Variants in NEMP2 observed in about 807,000 individuals in gnomAD.
The protein encoded by NEMP2 is nuclear envelope integral membrane protein 2.
Under a neutral mutation model 54.2 loss-of-function variants are expected in NEMP2, and 53 were observed. The ratio of observed to expected loss-of-function variants is 0.98; its 90% CI spans 0.78 to 1.23. The LOEUF is 1.23. NEMP2 is among the 50% of genes most tolerant of loss of function. The probability of loss-of-function intolerance (pLI) is 0.00; values close to 1 mark genes in which losing one functional copy is unlikely to be tolerated. For missense variants in NEMP2, 455 were observed against 511.3 expected (o/e 0.89, Z 1.06); for synonymous variants, 197 against 190.3 (o/e 1.04, Z -0.29).
chr2:190,447,571 A>T, the NEMP2 span, among the ~76,000 whole-genome samples: 1 of 152,208 alleles, frequency 6.6e-6, no homozygotes, highest in Non-Finnish European at 1.5e-5. The surrounding 1 kb of genome is among the most constrained non-coding windows in gnomAD (Gnocchi z 4.5). Flanking sequence ...TTGCTTATAT[A>T]CTTCTTAGTG....
chr2:190,504,694 C>A lies in NEMP2; in HGVS notation c.*4495G>T, dbSNP rs894605177. On this transcript the variant is annotated 3_prime_UTR_variant, in exon 9 of 9. Coordinates refer to ENST00000409150, the MANE Select transcript of NEMP2 (RefSeq NM_001142645.2). The surrounding 1 kb of genome is among the most constrained non-coding windows in gnomAD (Gnocchi z 5.6). ...CATTTAACAAATTATATACCATACT[C>A]TCTCCAATAGTCAGTGTAGGATGCT... 1 of 152,132 alleles carries A rather than the reference C, an allele frequency of 6.6e-6. No individual in the cohort carries two copies. The highest frequency in any genetic ancestry group is 2.1e-4 in the South Asian group (1 of 4,824). The allele number at this position is 152,132 out of a possible 1,614,324, so 9.4% of individuals were successfully genotyped here. A position where few individuals can be genotyped will look rare whatever the true frequency, so the allele number is the denominator to read the frequency against.
chr2:190,623,297 C>A, the NEMP2 span, among the ~76,000 whole-genome samples: 4 of 151,978 alleles, frequency 2.6e-5, no homozygotes, highest in Non-Finnish European at 5.9e-5. Flanking sequence ...TGACATTCAT[C>A]ACAGAAATAG....
At chr2:190,637,831 A>G in the NEMP2 span, among the ~76,000 whole-genome samples, 1 of 152,236 alleles carries the variant, frequency 6.6e-6, no homozygotes, top group African/African-American at 2.4e-5. This position sits in a 1 kb window ranked among gnomAD's most constrained non-coding sequence, Gnocchi z 4.5. Context: ...TCTTGTGCTT[A>G]TAGGCTTAGT....
At chr2:190,646,551 C>T in the NEMP2 span, among the ~76,000 whole-genome samples, 3 of 152,184 alleles carry the variant, frequency 2.0e-5, no homozygotes, top group African/African-American at 7.2e-5. Context: ...TTTATCTTTC[C>T]TTCATTTTCC....
At chr2:190,450,783 T>C in the NEMP2 span, among the ~76,000 whole-genome samples, 5 of 152,168 alleles carry the variant, frequency 3.3e-5, no homozygotes, top group Admixed American at 6.5e-5. Context: ...AATGAGCCAT[T>C]GTGCCCAGCC....
chr2:190,437,496 T>A, the NEMP2 span: 1 of 1,614,206 alleles, frequency 6.2e-7, no homozygotes, highest in Non-Finnish European at 8.5e-7. This position sits in a 1 kb window ranked among gnomAD's most constrained non-coding sequence, Gnocchi z 5.9. Flanking sequence ...CAGTCCTGAG[T>A]CATGTGTCTG....
the NEMP2 span, among the ~76,000 whole-genome samples, chr2:190,471,973 C>T: frequency 1.4e-4 from 21 of 152,246 alleles, no homozygotes; most frequent in African/African-American, 4.8e-4. This position sits in a 1 kb window ranked among gnomAD's most constrained non-coding sequence, Gnocchi z 4.7. Context: ...GATACCCAGG[C>T]AAACAGGGTC....
rs943427772 is a variant in NEMP2, at chr2:190,509,911, G to A, written c.1130+450C>T. The stretch of plus-strand genomic sequence containing the variant: ...AAATTAGCCGGGCATGGTGGCGCCC[G>A]CGCCTTGTAATCCCAGCTACTCAAG... On this transcript the variant is annotated intron_variant, in intron 8 of 8. Transcript: ENST00000409150. This position sits in a 1 kb window ranked among gnomAD's most constrained non-coding sequence, Gnocchi z 6.1. 2.0e-5 allele frequency among the ~76,000 whole-genome samples: 3 copies of A among 152,194 alleles called. No homozygotes were observed.
the NEMP2 span, among the ~76,000 whole-genome samples, chr2:190,423,610 G>A: frequency 6.6e-6 from 1 of 152,160 alleles, no homozygotes; most frequent in Admixed American, 6.5e-5. The surrounding 1 kb of genome is among the most constrained non-coding windows in gnomAD (Gnocchi z 4.3). Flanking sequence ...TTATGCATGG[G>A]TTTCTGTGTG....
In NEMP2 at chr2:190,509,649, CT is replaced by C. The variant is rs1453439197; in HGVS notation, c.1131-338del. On this transcript the variant is annotated intron_variant, in intron 8 of 8. Coordinates refer to ENST00000409150, the MANE Select transcript of NEMP2 (RefSeq NM_001142645.2). The surrounding 1 kb of genome is among the most constrained non-coding windows in gnomAD (Gnocchi z 6.1). ...TGTTTCAAATACTTCCCCCTTCCAT[CT>C]TTAATTTGAGGGCACTGTTATTTGG... Among the ~76,000 whole-genome samples the C allele has an allele frequency of 1.3e-5, 2 of 152,184 alleles. No individual in the cohort carries two copies. The highest frequency in any genetic ancestry group is 2.9e-5 in the Non-Finnish European group (2 of 68,030).
the NEMP2 span, among the ~76,000 whole-genome samples, chr2:190,546,182 C>T: frequency 6.6e-6 from 1 of 152,032 alleles, no homozygotes; most frequent in African/African-American, 2.4e-5. The surrounding 1 kb of genome is among the most constrained non-coding windows in gnomAD (Gnocchi z 5.1). Flanking sequence ...CTGTGTGTTC[C>T]GCATCCATGG....
chr2:190,570,367 C>T, the NEMP2 span, among the ~76,000 whole-genome samples: 2 of 151,982 alleles, frequency 1.3e-5, no homozygotes, highest in Non-Finnish European at 2.9e-5. This position sits in a 1 kb window ranked among gnomAD's most constrained non-coding sequence, Gnocchi z 5.4. Flanking sequence ...TAATAGAGAC[C>T]CCAATATAAT....
At chr2:190,449,850 T>A in the NEMP2 span, among the ~76,000 whole-genome samples, 4 of 151,342 alleles carry the variant, frequency 2.6e-5, no homozygotes, top group South Asian at 2.1e-4. Context: ...AACATCACAC[T>A]CTGGGGACTG....
the NEMP2 span, among the ~76,000 whole-genome samples, chr2:190,468,171 A>T: frequency 6.6e-6 from 1 of 152,192 alleles, no homozygotes; most frequent in Admixed American, 6.5e-5. Flanking sequence ...AAGTTTCATT[A>T]AGGCAGATTG....
chr2:190,477,961 G>T, the NEMP2 span, among the ~76,000 whole-genome samples: 1 of 152,208 alleles, frequency 6.6e-6, no homozygotes, highest in Non-Finnish European at 1.5e-5. Context: ...GAAGAGCTGT[G>T]TGCGAAGGCA....
the NEMP2 span, among the ~76,000 whole-genome samples, chr2:190,466,876 C>T: frequency 5.3e-5 from 8 of 152,150 alleles, no homozygotes; most frequent in East Asian, 1.9e-4. Flanking sequence ...CTAAGGGTCC[C>T]AGAAGTTGTG....
At chr2:190,592,493 G>T in the NEMP2 span, among the ~76,000 whole-genome samples, 40 of 152,150 alleles carry the variant, frequency 2.6e-4, no homozygotes, top group Non-Finnish European at 5.3e-4. This position sits in a 1 kb window ranked among gnomAD's most constrained non-coding sequence, Gnocchi z 4.4. Flanking sequence ...CTGAGTACAG[G>T]AAATAAAGAA....
chr2:190,590,404 T>A, the NEMP2 span, among the ~76,000 whole-genome samples: 3 of 152,180 alleles, frequency 2.0e-5, no homozygotes, highest in South Asian at 2.1e-4. The surrounding 1 kb of genome is among the most constrained non-coding windows in gnomAD (Gnocchi z 5.1). Context: ...ATCACAAAAG[T>A]CATTCAACAG....
chr2:190,433,681 G>A, the NEMP2 span, among the ~76,000 whole-genome samples: 1 of 152,070 alleles, frequency 6.6e-6, no homozygotes, highest in African/African-American at 2.4e-5. The surrounding 1 kb of genome is among the most constrained non-coding windows in gnomAD (Gnocchi z 4.5). Flanking sequence ...CAGCTACATT[G>A]ACATCTGGCT....
Sources: gnomAD v4.1 joint callset for allele counts (sites outside exome capture counted in the v4.1 genomes callset) on GRCh38, gnomAD v4.1.1 for gene constraint, Gnocchi (gnomAD v3.1) non-coding constraint, MANE v1.5 for transcripts, NCBI Gene and HGNC (gene_info 2026-07-23, HGNC 2026-07-21) for gene names.